Variants in UNC13A observed in about 807,000 individuals in gnomAD.
UNC13A encodes unc-13 homolog A.
In UNC13A, 61 loss-of-function variants were observed where a neutral mutation model predicts 219.7. The observed-to-expected ratio is 0.28, with a 90% confidence interval of 0.23 to 0.34. The LOEUF (loss-of-function observed/expected upper bound fraction) is 0.34. Ranked by LOEUF, UNC13A falls within the 10% of genes least tolerant of loss-of-function variation. UNC13A has a pLI of 1.00. For synonymous variants in UNC13A, 920 were observed against 884.6 expected (o/e 1.04, Z -0.71); for missense variants, 1,476 against 2,270.3 (o/e 0.65, Z 7.11).
Position 17,674,594 on chromosome 19 carries a change from AG to A in UNC13A, c.152+62del. On this transcript the variant is annotated intron_variant, in intron 3 of 43. Coordinates refer to ENST00000519716, the MANE Select transcript of UNC13A (RefSeq NM_001080421.3). The surrounding 1 kb of genome is among the most constrained non-coding windows in gnomAD (Gnocchi z 5.0). The stretch of plus-strand genomic sequence containing the variant: ...TTCCCCAGTGTCCAGCTCTGCCCTG[AG>A]GGGCCAGCGAGGTGCTGGGCTATGC... The A allele has an allele frequency of 6.8e-7, 1 of 1,478,994 alleles. No individual in the cohort carries two copies. The highest frequency in any genetic ancestry group is 1.4e-5 in the African/African-American group (1 of 72,370). The allele number at this position is 1,478,994 out of a possible 1,614,324, so 91.6% of individuals were successfully genotyped here.
rs1599816694 is a variant in UNC13A, at chr19:17,605,252, G to C, written c.*802C>G. ...AGGGGCACAGAGGGTATGGCACCTG[G>C]AACCTTGGCCAAGTCTCAAGCAGCT... On this transcript the variant is annotated 3_prime_UTR_variant, in exon 44 of 44. Transcript: ENST00000519716. 6.5e-6 allele frequency: 1 copy of C among 152,944 alleles called. No homozygotes were observed. The highest frequency in any genetic ancestry group is 2.4e-5 in the African/African-American group (1 of 41,478). The allele number at this position is 152,944 out of a possible 1,614,324, so 9.5% of individuals were successfully genotyped here.
chr19:17,640,868 T>TTTTC (rs1013856071), intron 21 of UNC13A, among the ~76,000 whole-genome samples: 82 of 141,082 alleles, frequency 5.8e-4, no homozygotes, highest in South Asian at 7.0e-4. Flanking sequence ...CTGCTTCTTT[T>TTTTC]TTTCTTTCTT....
chr19:17,641,172 G>A (rs1568519956), intron 21 of UNC13A, among the ~76,000 whole-genome samples: 3 of 152,054 alleles, frequency 2.0e-5, no homozygotes, highest in Non-Finnish European at 4.4e-5. Context: ...GAGCCACTGT[G>A]CCCAGCCTCT....
chr19:17,674,833 G>T lies in UNC13A; in HGVS notation c.53-77C>A. On this transcript the variant is annotated intron_variant, in intron 2 of 43. Transcript: ENST00000519716. The surrounding 1 kb of genome is among the most constrained non-coding windows in gnomAD (Gnocchi z 5.0). Reference sequence around the variant, plus strand: ...CCCCTTCCCAAGCTCTAGACCATCTGCTGTGATCCCCTCAGGAATTTCTGG... The same window carrying T: ...CCCCTTCCCAAGCTCTAGACCATCTTCTGTGATCCCCTCAGGAATTTCTGG... The T allele has an allele frequency of 7.9e-7, 1 of 1,266,354 alleles. No homozygotes were observed. Among genetic ancestry groups the T allele is most frequent in the Non-Finnish European group, 1.1e-6 (1 of 871,270 alleles). 78.4% of individuals were successfully genotyped at this position (1,266,354 alleles called of 1,614,324 possible).
rs2077020256 is a variant in UNC13A at position 17,645,812 on chromosome 19, C to T, written c.2218G>A (p.Val740Met). 6.2e-7 allele frequency: 1 copy of T among 1,612,810 alleles called. No homozygotes were observed. The highest frequency in any genetic ancestry group is 8.5e-7 in the Non-Finnish European group (1 of 1,179,376). ...TCGTCATCCTCGTCCCAGACGCGCA[C>T]CTTGATGCGGTCGGAGGAATTGTGA... Reference protein sequence around the residue: ...ECHNSSDRIKVRVWDEDDDIK... With the variant: ...ECHNSSDRIKMRVWDEDDDIK... The change falls in exon 19 of 44, where the codon GTG becomes ATG. Residue 740 changes from valine to methionine, a missense_variant. By Grantham distance (21) the Val-to-Met change is conservative (BLOSUM62 1). Coordinates refer to ENST00000519716, the MANE Select transcript of UNC13A (RefSeq NM_001080421.3).
At chr19:17,640,448 C>A in intron 22 of UNC13A, 63 bp downstream of exon 22, 1 of 1,502,994 alleles carries the variant, frequency 6.7e-7, no homozygotes, top group Non-Finnish European at 8.9e-7. Flanking sequence ...GAAGTCACAT[C>A]AGATCTGACC....
In UNC13A at chr19:17,606,333, A is replaced by C; in HGVS notation, c.4833T>G (p.Gly1611=). ...ACACCTGCAGCTCATAGCACTCGGGACCCGCGTCGGCGCTCAGCGTGCTGC... is the reference window on the plus strand; with the variant it reads ...ACACCTGCAGCTCATAGCACTCGGGCCCCGCGTCGGCGCTCAGCGTGCTGC... ...SFQFTLSADA[G]PECYELQVCV... The change falls in exon 44 of 44, where the codon GGT becomes GGG. Residue 1611 remains glycine (G), a synonymous_variant. Coordinates refer to ENST00000519716, the MANE Select transcript of UNC13A (RefSeq NM_001080421.3). 1 of 1,546,928 alleles carries C rather than the reference A, an allele frequency of 6.5e-7. No homozygotes were observed. The highest frequency in any genetic ancestry group is 1.2e-5 in the South Asian group (1 of 84,162).
chr19:17,627,645 T>C lies in UNC13A; in HGVS notation c.3832-48A>G, dbSNP rs371588398. On this transcript the variant is annotated intron_variant, in intron 32 of 43. Transcript: ENST00000519716. This position sits in a 1 kb window ranked among gnomAD's most constrained non-coding sequence, Gnocchi z 4.7. ...AGGCCAGGTTCAGTAAGTATCCACATGTACTGGGCATTTTCTCATCTGACC... is the reference window on the plus strand; with the variant it reads ...AGGCCAGGTTCAGTAAGTATCCACACGTACTGGGCATTTTCTCATCTGACC... 1 of 1,472,642 alleles carries C rather than the reference T, an allele frequency of 6.8e-7. No individual in the cohort carries two copies. Among genetic ancestry groups the C allele is most frequent in the South Asian group, 1.2e-5 (1 of 82,938 alleles). 91.2% of individuals were successfully genotyped at this position (1,472,642 alleles called of 1,614,324 possible).
chr19:17,628,304 C>CTTTTTTAA, intron 31 of UNC13A: 5 of 232,146 alleles, frequency 2.2e-5, no homozygotes, highest in Non-Finnish European at 3.4e-5. Flanking sequence ...CAGTGACACA[C>CTTTTTTAA]TGAAGGCGTG....
At chr19:17,622,692 G>A (rs1306246094) in intron 36 of UNC13A, 1 of 153,262 alleles carries the variant, frequency 6.5e-6, no homozygotes, top group Non-Finnish European at 1.5e-5. Context: ...CATTAGCTCT[G>A]CCTCTGGGCC....
chr19:17,639,416 G>A lies in UNC13A; in HGVS notation c.2946+20C>T. On this transcript the variant is annotated intron_variant, in intron 24 of 43. Transcript: ENST00000519716. ...AGAGAACCCTCCTTGGAGAGCAAAG[G>A]CAACTGGATCCTTTCCTACCTTCAT... The A allele has an allele frequency of 1.2e-6, 2 of 1,607,240 alleles. No homozygotes were observed.
chr19:17,661,142 T>C (rs1214262591), intron 8 of UNC13A, among the ~76,000 whole-genome samples: 1 of 150,486 alleles, frequency 6.6e-6, no homozygotes, highest in African/African-American at 2.5e-5. Flanking sequence ...TCTTGCTCTG[T>C]TGCCCAGGCT....
In UNC13A at chr19:17,605,934, C is replaced by A; in HGVS notation, c.*120G>T. 1.0e-6 allele frequency: 1 copy of A among 958,316 alleles called. No homozygotes were observed. Among genetic ancestry groups the A allele is most frequent in the Non-Finnish European group, 1.4e-6 (1 of 705,824 alleles). The allele number at this position is 958,316 out of a possible 1,614,324, so 59.4% of individuals were successfully genotyped here. On this transcript the variant is annotated 3_prime_UTR_variant, in exon 44 of 44. Transcript: ENST00000519716. ...GAGTCAAGGGCGTAGGCGCAGCCCACCCTTGGCGTGGAGCCCCCCGAGCCC... is the reference window on the plus strand; with the variant it reads ...GAGTCAAGGGCGTAGGCGCAGCCCAACCTTGGCGTGGAGCCCCCCGAGCCC...
chr19:17,639,946 A>G (rs1397319236), intron 22 of UNC13A, 38 bp from the exon 23 acceptor site: 1 of 1,605,994 alleles, frequency 6.2e-7, no homozygotes, highest in African/African-American at 1.3e-5. Flanking sequence ...GGATGGAGGC[A>G]GGACATGGCC....
At chr19:17,622,639 CAT>C (rs1347746015) in intron 36 of UNC13A, 1 of 153,502 alleles carries the variant, frequency 6.5e-6, no homozygotes, top group Non-Finnish European at 1.5e-5. Flanking sequence ...TGCTCTTACA[CAT>C]GTCTGCATAT....
chr19:17,653,070 G>A (rs1403816742), intron 11 of UNC13A, among the ~76,000 whole-genome samples: 4 of 152,184 alleles, frequency 2.6e-5, no homozygotes, highest in East Asian at 1.9e-4. Flanking sequence ...CAGCATAGAC[G>A]TGGGGTCCAC....
At chr19:17,658,037 G>T (rs1048131873) in intron 9 of UNC13A, 25 bp downstream of exon 9, 1 of 1,606,914 alleles carries the variant, frequency 6.2e-7, no homozygotes, top group African/African-American at 1.3e-5. Flanking sequence ...GGACCCACAT[G>T]CATGCTGCAC....
intron 29 of UNC13A, 98 bp downstream of exon 29, chr19:17,630,556 A>G: frequency 7.7e-6 from 10 of 1,306,776 alleles, no homozygotes; most frequent in Non-Finnish European, 1.1e-5. Flanking sequence ...AAGATGGCGG[A>G]CACCTACCAG....
rs577390781 is a variant in UNC13A at position 17,639,269 on chromosome 19, C to G, written c.2947-52G>C. On this transcript the variant is annotated intron_variant, in intron 24 of 43. Transcript: ENST00000519716. ...GGCCACAGCTGTGACAGGAGGTCCC[C>G]AGGAAGTGACTGCGAGTCATTTTGG... 2.5e-6 allele frequency: 4 copies of G among 1,608,412 alleles called. No individual in the cohort carries two copies. The African/African-American group carries it at 4.0e-5, about 16-fold the overall frequency.
Sources: allele counts gnomAD v4.1 joint callset (sites outside exome capture counted in the v4.1 genomes callset), GRCh38; gene constraint gnomAD v4.1.1; non-coding constraint Gnocchi (gnomAD v3.1); transcripts MANE v1.5; gene names NCBI Gene and HGNC (gene_info 2026-07-23, HGNC 2026-07-21).